Variants in RTN2 observed in about 807,000 individuals in gnomAD.
RTN2 encodes reticulon 2, also known as reticulon-2.
A neutral mutation model predicts 63.7 loss-of-function variants in RTN2; 36 were observed. The observed-to-expected ratio is 0.56, with a 90% CI of 0.43 to 0.75. The LOEUF (loss-of-function observed/expected upper bound fraction) is 0.75. RTN2 is among the 30% of genes least tolerant of loss of function. The pLI is 0.00. For missense variants in RTN2, 673 were observed against 705.1 expected (o/e 0.95, Z 0.52); for synonymous variants, 312 against 313.0 (o/e 1.00, Z 0.03).
chr19:45,493,298 G>A lies in RTN2; in HGVS notation c.895C>T (p.Leu299=). 1 of 1,612,852 alleles carries A rather than the reference G, an allele frequency of 6.2e-7. No individual in the cohort carries two copies. Among genetic ancestry groups the A allele is most frequent in the African/African-American group, 1.3e-5 (1 of 74,918 alleles). Residue 299 remains leucine (L), a synonymous_variant, in exon 5 of 11, where the codon CTG becomes TTG. Transcript: ENST00000245923. The part of the protein sequence containing the change: ...TVPILELSPP[L]WTAIGWVQRG... ...TGGACCCAGCCAATGGCTGTCCACA[G>A]AGGTGGGGACAATTCCAAAATTGGA...
Position 45,495,076 on chromosome 19 carries a change from C to A in RTN2, c.79+19G>T. ...AGCTGCCCAGCCCTGAGCCCCTTCA[C>A]ATGCTCCCCACCACTTACCTTCTGT... On this transcript the variant is annotated intron_variant, in intron 2 of 10. Transcript: ENST00000245923. 1 of 1,614,220 alleles carries A rather than the reference C, an allele frequency of 6.2e-7. No homozygotes were observed. The highest frequency in any genetic ancestry group is 8.5e-7 in the Non-Finnish European group (1 of 1,180,042).
chr19:45,495,043 G>A, intron 2 of RTN2, 38 bp from the exon 3 acceptor site: 1 of 1,614,178 alleles, frequency 6.2e-7, no homozygotes, highest in Non-Finnish European at 8.5e-7. Context: ...TCCCTCAGCA[G>A]GTCCCTGAGC....
rs1256894755 is a variant in RTN2, at chr19:45,494,432, G to A, written c.560-12C>T. ...TCGTAGGTCCAGTTCTGATACGGTA[G>A]AGAGAGGAGGCCGTGAGCTTTCTTC... On this transcript the variant is annotated splice_polypyrimidine_tract_variant and intron_variant, in intron 3 of 10. Transcript: ENST00000245923. The surrounding 1 kb of genome is among the most constrained non-coding windows in gnomAD (Gnocchi z 5.3). The A allele has an allele frequency of 6.2e-7, 1 of 1,607,814 alleles. No homozygotes were observed. The highest frequency in any genetic ancestry group is 8.5e-7 in the Non-Finnish European group (1 of 1,175,362).
At chr19:45,492,853 G>T (rs934632821) in intron 5 of RTN2, among the ~76,000 whole-genome samples, 1 of 152,136 alleles carries the variant, frequency 6.6e-6, no homozygotes, top group Non-Finnish European at 1.5e-5. Context: ...TAGGCACGCT[G>T]GGGGGAGGGG....
At position 45,495,129 on chromosome 19, in the gene RTN2, C is replaced by T. The variant is rs1330017703; in HGVS notation, c.45G>A (p.Pro15=). The T allele has an allele frequency of 3.1e-6, 5 of 1,614,114 alleles. 1 individual carries two copies. Among genetic ancestry groups the T allele is most frequent in the East Asian group, 4.5e-5 (2 of 44,890 alleles). Residue 15 remains proline (P), a synonymous_variant, in exon 2 of 11, where the codon CCG becomes CCA. Coordinates refer to ENST00000245923, the MANE Select transcript of RTN2 (RefSeq NM_005619.5). ...LPVFAHCKEA[P]STASSTPDST... ...AATCAGGAGTTGAGGAGGCTGTAGACGGAGCTTCTTCTGCGAGAGGGAAAG... is the reference window on the plus strand; with the variant it reads ...AATCAGGAGTTGAGGAGGCTGTAGATGGAGCTTCTTCTGCGAGAGGGAAAG...
chr19:45,487,004 A>C (rs1308301903), intron 9 of RTN2, among the ~76,000 whole-genome samples: 22 of 125,806 alleles, frequency 1.7e-4, no homozygotes, highest in Non-Finnish European at 3.0e-4. Context: ...CAAAGCTGGG[A>C]TCACAAGCGT....
intron 1 of RTN2, chr19:45,496,517 G>C (rs896596117): frequency 8.8e-6 from 3 of 339,184 alleles, no homozygotes. Context: ...GCGCGTCCTC[G>C]CTCCCGGGCG....
chr19:45,486,543 G>A (rs1968025231), intron 9 of RTN2, among the ~76,000 whole-genome samples: 1 of 151,892 alleles, frequency 6.6e-6, no homozygotes, highest in African/African-American at 2.4e-5. Context: ...ACAGGGTCTC[G>A]CTCTGTCACC....
At chr19:45,493,847 G>A (rs1395217464) in intron 4 of RTN2, 2 of 322,054 alleles carry the variant, frequency 6.2e-6, no homozygotes, top group Admixed American at 9.7e-5. Context: ...AGGTTCAAGC[G>A]ATTCTCCTGC....
Position 45,496,875 on chromosome 19 carries a change from CCCTGGGCCCGGGGTCGCGGGCGCT to C in RTN2, c.-74_-51del. 7.7e-7 allele frequency: 1 copy of C among 1,297,064 alleles called. No individual in the cohort carries two copies. 80.3% of individuals were successfully genotyped at this position (1,297,064 alleles called of 1,614,324 possible). The stretch of plus-strand genomic sequence containing the variant: ...ACCCCCGCCCACTCCGGCTGTGCCG[CCCTGGGCCCGGGGTCGCGGGCGCT>C]CATCTCCGCCGCGCCCACGACGCCG... On this transcript the variant is annotated 5_prime_UTR_variant, in exon 1 of 11. It removes the in-frame stop codon of an upstream open reading frame in the 5' UTR. Coordinates refer to ENST00000245923, the MANE Select transcript of RTN2 (RefSeq NM_005619.5).
intron 5 of RTN2, among the ~76,000 whole-genome samples, chr19:45,491,641 C>G (rs1408306209): frequency 4.6e-5 from 7 of 151,542 alleles, no homozygotes; most frequent in Admixed American, 4.6e-4. Context: ...ACGCCATTCT[C>G]CTGCCTCAGC....
Position 45,488,475 on chromosome 19 carries a change from T to C in RTN2, c.1493A>G (p.His498Arg), listed in dbSNP as rs767066842. Residue 498 changes from histidine (H) to arginine (R), a missense_variant, in exon 9 of 11, where the codon CAC becomes CGC. Physicochemically the swap from His to Arg is conservative, Grantham distance 29. Coordinates refer to ENST00000245923, the MANE Select transcript of RTN2 (RefSeq NM_005619.5). ...LFTIPLLYRQ[H>R]QAQIDQYVGL... ...AACTGAGGGTGTCACACTCACCTGGTGCTGCCGGTACAGCAGGGGGATGGT... is the reference window on the plus strand; with the variant it reads ...AACTGAGGGTGTCACACTCACCTGGCGCTGCCGGTACAGCAGGGGGATGGT... The C allele has an allele frequency of 1.7e-5, 27 of 1,613,786 alleles. No individual in the cohort carries two copies. The Admixed American group carries it at 4.3e-4, about 26-fold the overall frequency.
intron 9 of RTN2, 55 bp downstream of exon 9, chr19:45,488,416 T>C: frequency 2.5e-6 from 4 of 1,578,562 alleles, no homozygotes; most frequent in Non-Finnish European, 3.5e-6. Context: ...TGGAAGGAGA[T>C]GGTCAGACCC....
chr19:45,493,623 G>C (rs1053562164), intron 4 of RTN2, among the ~76,000 whole-genome samples: 9 of 151,440 alleles, frequency 5.9e-5, no homozygotes, highest in Admixed American at 5.3e-4. Context: ...AAGGCACAGA[G>C]TTTACTTATA....
intron 7 of RTN2, 38 bp from the exon 8 acceptor site, chr19:45,488,744 A>T (rs1317146094): frequency 1.9e-6 from 3 of 1,607,512 alleles, no homozygotes; most frequent in Non-Finnish European, 2.5e-6. Flanking sequence ...GCCCACCGGG[A>T]ATTCCCTCTC....
rs1004149047 is a variant in RTN2, at chr19:45,496,827, G to A, written c.-2C>T. 1.3e-6 allele frequency: 2 copies of A among 1,506,396 alleles called. No homozygotes were observed. The highest frequency in any genetic ancestry group is 2.0e-5 in the Admixed American group (1 of 48,990). 93.3% of individuals were successfully genotyped at this position (1,506,396 alleles called of 1,614,324 possible). On this transcript the variant is annotated 5_prime_UTR_variant, in exon 1 of 11. Transcript: ENST00000245923. ...GAAGACCGGCAGGACCTGCCCCATG[G>A]CCCCCCTCGGGCCTGCATCGGGACC...
In RTN2 at chr19:45,494,494, T is replaced by G; in HGVS notation, c.559+32A>C. 6.2e-7 allele frequency: 1 copy of G among 1,607,016 alleles called. No individual in the cohort carries two copies. Among genetic ancestry groups the G allele is most frequent in the Non-Finnish European group, 8.5e-7 (1 of 1,175,424 alleles). ...CCAAGGAGAAACCACCCACCCCTCT[T>G]GGCTTTGGTCCCAGCACCTCGGACA... On this transcript the variant is annotated intron_variant, in intron 3 of 10. Coordinates refer to ENST00000245923, the MANE Select transcript of RTN2 (RefSeq NM_005619.5). This position sits in a 1 kb window ranked among gnomAD's most constrained non-coding sequence, Gnocchi z 5.3.
At position 45,486,107 on chromosome 19, in the gene RTN2, T is replaced by C. The variant is rs1369210484; in HGVS notation, c.1504A>G (p.Ile502Val). The C allele has an allele frequency of 6.2e-7, 1 of 1,613,992 alleles. No homozygotes were observed. Among genetic ancestry groups the C allele is most frequent in the Admixed American group, 1.7e-5 (1 of 59,992 alleles). Residue 502 changes from isoleucine to valine, a missense_variant, in exon 10 of 11, where the codon ATC becomes GTC. Physicochemically the swap from Ile to Val is conservative, Grantham distance 29. Transcript: ENST00000245923. ...GTCACCAACCCCACATATTGGTCGA[T>C]CTGAGCCTGGGGAGACCAAAGAAAG... ...PLLYRQHQAQ[I>V]DQYVGLVTNQ...
rs546409761 is a variant in RTN2 at position 45,492,119 on chromosome 19, CAT to C, written c.1033+1039_1033+1040del. Among the ~76,000 whole-genome samples the C allele has an allele frequency of 3.7e-4, 57 of 152,238 alleles. No homozygotes were observed. The East Asian group carries it at 9.3e-3, about 25-fold the overall frequency. On this transcript the variant is annotated intron_variant, in intron 5 of 10. Coordinates refer to ENST00000245923, the MANE Select transcript of RTN2 (RefSeq NM_005619.5). ...TATCCCCTTGATACCCTTAGCAACA[CAT>C]GTTTCTAAGTCCTAAATGTATTAAT...
Sources: gnomAD v4.1 joint callset for allele counts (sites outside exome capture counted in the v4.1 genomes callset) on GRCh38, gnomAD v4.1.1 for gene constraint, Gnocchi (gnomAD v3.1) non-coding constraint, MANE v1.5 for transcripts, NCBI Gene and HGNC (gene_info 2026-07-23, HGNC 2026-07-21) for gene names.